MICU1: variants seen among roughly 807,000 people sequenced by gnomAD.
MICU1 encodes mitochondrial calcium uptake 1.
In MICU1, 45 loss-of-function variants were observed where a neutral mutation model predicts 56.8. That is an observed-to-expected ratio of 0.79 (90% CI 0.62 to 1.02). MICU1 has a LOEUF of 1.02. Among genes scored for constraint, MICU1 ranks in the 50% least tolerant of loss-of-function variants. The pLI is 0.00. For synonymous variants in MICU1, 186 were observed against 195.1 expected (o/e 0.95, Z 0.39); for missense variants, 504 against 587.1 (o/e 0.86, Z 1.46).
chr10:72,545,344 CT>C (rs1225195456), intron 4 of MICU1, among the ~76,000 whole-genome samples: 91 of 152,270 alleles, frequency 6.0e-4, no homozygotes, highest in African/African-American at 2.1e-3. Context: ...GTGACACGGC[CT>C]CAGGAGGTCC....
intron 6 of MICU1, among the ~76,000 whole-genome samples, chr10:72,503,359 AGGGATG>A (rs2132335682): frequency 6.6e-6 from 1 of 152,352 alleles, no homozygotes; most frequent in East Asian, 1.9e-4. Context: ...GTTCTCAGAC[AGGGATG>A]ATTCTTCCCC....
At chr10:72,528,813 C>A in intron 5 of MICU1, 1 of 185,890 alleles carries the variant, frequency 5.4e-6, no homozygotes, top group Non-Finnish European at 1.2e-5. Flanking sequence ...TCGAATAAAG[C>A]ACGAAGAAGT....
chr10:72,403,745 T>C (rs1265081599), intron 10 of MICU1, among the ~76,000 whole-genome samples: 1 of 151,674 alleles, frequency 6.6e-6, no homozygotes, highest in Non-Finnish European at 1.5e-5. Flanking sequence ...AACCTCTGCC[T>C]CCTGGGTTCA....
At chr10:72,574,921 CG>C (rs200471479) in intron 1 of MICU1, among the ~76,000 whole-genome samples, 3,258 of 151,822 alleles carry the variant, frequency 0.021, 116 homozygotes, top group African/African-American at 0.075. Flanking sequence ...TGGACAAGTG[CG>C]CTCAAAAAAA....
chr10:72,445,152 T>C (rs1450616435), intron 8 of MICU1, among the ~76,000 whole-genome samples: 1 of 152,176 alleles, frequency 6.6e-6, no homozygotes, highest in East Asian at 1.9e-4. Context: ...TCAGGAAGCA[T>C]GCAGGCAGGA....
chr10:72,620,709 T>C (rs917694666), intron 1 of MICU1, among the ~76,000 whole-genome samples: 1 of 152,222 alleles, frequency 6.6e-6, no homozygotes, highest in African/African-American at 2.4e-5. Context: ...CTGAGTCTAC[T>C]TCTAGCCATT....
chr10:72,407,732 T>TATA, intron 10 of MICU1, among the ~76,000 whole-genome samples, 197 bp downstream of exon 10: 1 of 152,284 alleles, frequency 6.6e-6, no homozygotes, highest in South Asian at 2.1e-4. Flanking sequence ...GACTACGGCC[T>TATA]TAGCACAAGA....
intron 1 of MICU1, among the ~76,000 whole-genome samples, chr10:72,620,141 A>G (rs1842070150): frequency 6.6e-6 from 1 of 152,146 alleles, no homozygotes; most frequent in Admixed American, 6.5e-5. Flanking sequence ...ACAGACACCA[A>G]ATCCAAATTA....
intron 1 of MICU1, among the ~76,000 whole-genome samples, chr10:72,572,427 A>G (rs997198182): frequency 1.3e-5 from 2 of 152,112 alleles, no homozygotes; most frequent in Non-Finnish European, 2.9e-5. Context: ...ACAAAAACCT[A>G]TAACAGATCC....
At chr10:72,490,688 T>TG (rs1302433892) in intron 6 of MICU1, among the ~76,000 whole-genome samples, 1 of 152,140 alleles carries the variant, frequency 6.6e-6, no homozygotes, top group African/African-American at 2.4e-5. Context: ...GGCAAGAGGA[T>TG]GGGGGTTGGG....
At chr10:72,620,297 G>T (rs1161315310) in intron 1 of MICU1, among the ~76,000 whole-genome samples, 1 of 152,120 alleles carries the variant, frequency 6.6e-6, no homozygotes, top group Non-Finnish European at 1.5e-5. Context: ...CAATTCTCAT[G>T]CCTCAGCCTC....
At chr10:72,383,118 C>T (rs1485203615) in intron 10 of MICU1, among the ~76,000 whole-genome samples, 1 of 151,922 alleles carries the variant, frequency 6.6e-6, no homozygotes, top group Non-Finnish European at 1.5e-5. Flanking sequence ...CGATGGTGCG[C>T]TCCTGCAGTC....
chr10:72,455,351 A>C (rs12771923), intron 8 of MICU1, among the ~76,000 whole-genome samples: 492 of 31,482 alleles, frequency 0.016, 7 homozygotes, highest in African/African-American at 0.078. Flanking sequence ...ACTCTGTCTC[A>C]AAAAAAAAAA....
chr10:72,621,173 T>C (rs1842094668), intron 1 of MICU1, among the ~76,000 whole-genome samples: 1 of 152,228 alleles, frequency 6.6e-6, no homozygotes, highest in Non-Finnish European at 1.5e-5. Context: ...GTTATAATTA[T>C]GGTAATTTAT....
intron 9 of MICU1, among the ~76,000 whole-genome samples, chr10:72,411,452 C>T (rs1455637261): frequency 6.6e-6 from 1 of 151,942 alleles, no homozygotes. Flanking sequence ...CTCAGCCTCC[C>T]GGGTAGCTGG....
intron 4 of MICU1, among the ~76,000 whole-genome samples, chr10:72,543,752 A>C (rs1443445779): frequency 1.3e-5 from 2 of 151,968 alleles, no homozygotes; most frequent in Non-Finnish European, 2.9e-5. Flanking sequence ...CTGGAGGCTG[A>C]GGCAAGAGAA....
intron 8 of MICU1, among the ~76,000 whole-genome samples, chr10:72,467,420 G>C (rs2132251860): frequency 6.6e-6 from 1 of 152,160 alleles, no homozygotes; most frequent in South Asian, 2.1e-4. Context: ...CTGACCTCAG[G>C]TGATCCACCC....
chr10:72,601,972 G>C (rs890358722), intron 1 of MICU1, among the ~76,000 whole-genome samples: 1 of 150,346 alleles, frequency 6.7e-6, no homozygotes, highest in Non-Finnish European at 1.5e-5. Context: ...GCTAATTTTT[G>C]TATTTTTGGT....
At chr10:72,574,113 T>G (rs1435519221) in intron 1 of MICU1, among the ~76,000 whole-genome samples, 1 of 152,174 alleles carries the variant, frequency 6.6e-6, no homozygotes, top group Non-Finnish European at 1.5e-5. Context: ...AAACCTCTCC[T>G]GTACTATTAA....
Sources: allele counts gnomAD v4.1 joint callset (sites outside exome capture counted in the v4.1 genomes callset), GRCh38; gene constraint gnomAD v4.1.1; transcripts MANE v1.5; gene names NCBI Gene and HGNC (gene_info 2026-07-23, HGNC 2026-07-21).